LDAF1: variants seen among roughly 807,000 people sequenced by gnomAD.
LDAF1 encodes lipid droplet assembly factor 1.
In LDAF1, 7 loss-of-function variants were observed where a neutral mutation model predicts 13.5. The observed-to-expected ratio is 0.52, with a 90% CI of 0.29 to 0.97. LDAF1 has a LOEUF of 0.97. Ranked by LOEUF, LDAF1 falls within the 50% of genes least tolerant of loss-of-function variation. LDAF1 has a pLI of 0.07. For missense variants in LDAF1, 148 were observed against 193.2 expected (o/e 0.77, Z 1.39); for synonymous variants, 69 against 77.1 (o/e 0.89, Z 0.55).
At chr16:21,160,511 C>G (rs1274319958) in intron 1 of LDAF1, among the ~76,000 whole-genome samples, 4 of 151,938 alleles carry the variant, frequency 2.6e-5, no homozygotes, top group Non-Finnish European at 5.9e-5. Flanking sequence ...CCAACCTGTA[C>G]AGTAATAAAG....
Position 21,164,781 on chromosome 16 carries a change from A to C in LDAF1, c.96+3503A>C, listed in dbSNP as rs978611400. ...TGGAAAATCACAGTGCATGTTACTG[A>C]ATAATAACCTCTCCCACTTTCCATC... On this transcript the variant is annotated intron_variant, in intron 2 of 4. Coordinates refer to ENST00000233047, the MANE Select transcript of LDAF1 (RefSeq NM_001301771.2). Among the ~76,000 whole-genome samples, 4 of 152,156 alleles carry C rather than the reference A, an allele frequency of 2.6e-5. 1 individual carries two copies. Among genetic ancestry groups the C allele is most frequent in the Non-Finnish European group, 5.9e-5 (4 of 68,022 alleles).
intron 2 of LDAF1, among the ~76,000 whole-genome samples, chr16:21,168,990 CATAT>C (rs202053211): frequency 1.2e-4 from 16 of 134,936 alleles, no homozygotes; most frequent in South Asian, 6.7e-4. Flanking sequence ...TAATTATAAA[CATAT>C]ATAATTATTA....
rs1380038924 is a variant in LDAF1, at chr16:21,174,193, C to T, written c.404+45C>T. The T allele has an allele frequency of 3.2e-6, 5 of 1,562,884 alleles. No individual in the cohort carries two copies. The African/African-American group carries it at 7.0e-5, about 22-fold the overall frequency. ...ATAATTTATTTTTTTAATCTTTCTA[C>T]TTTTTTGTTTTTTTGAGACAAGGCC... On this transcript the variant is annotated intron_variant, in intron 4 of 4. Transcript: ENST00000233047.
intron 4 of LDAF1, among the ~76,000 whole-genome samples, chr16:21,175,533 A>G (rs2093131100): frequency 6.6e-6 from 1 of 152,232 alleles, no homozygotes; most frequent in South Asian, 2.1e-4. Flanking sequence ...AGTATTTAGT[A>G]AATAATATAG....
intron 3 of LDAF1, 70 bp from the exon 4 acceptor site, chr16:21,173,940 C>A: frequency 6.8e-7 from 1 of 1,469,132 alleles, no homozygotes; most frequent in South Asian, 1.3e-5. Context: ...TTTAAACAGA[C>A]TGACCCAGGG....
At chr16:21,174,215 G>A in intron 4 of LDAF1, 67 bp downstream of exon 4, 3 of 1,440,500 alleles carry the variant, frequency 2.1e-6, no homozygotes, top group Non-Finnish European at 9.3e-7. Context: ...TTTGAGACAA[G>A]GCCTCACTCT....
chr16:21,179,362 A>G, intron 4 of LDAF1, 113 bp from the exon 5 acceptor site: 1 of 1,592,040 alleles, frequency 6.3e-7, no homozygotes, highest in South Asian at 1.1e-5. Context: ...GTGTGGTTGC[A>G]AGAAGCAGCT....
At chr16:21,161,040 A>G in intron 1 of LDAF1, 45 bp from the exon 2 acceptor site, 2 of 1,426,098 alleles carry the variant, frequency 1.4e-6, no homozygotes, top group South Asian at 3.2e-5. Flanking sequence ...TCGTCGAACC[A>G]GATGGATGAA....
chr16:21,167,804 C>T (rs1480758657), intron 2 of LDAF1, among the ~76,000 whole-genome samples: 2 of 146,880 alleles, frequency 1.4e-5, no homozygotes, highest in African/African-American at 2.5e-5. Context: ...GTCAGGAATT[C>T]GAGACCAGCC....
At chr16:21,168,989 A>G (rs1467117138) in intron 2 of LDAF1, among the ~76,000 whole-genome samples, 13 of 132,952 alleles carry the variant, frequency 9.8e-5, no homozygotes, top group African/African-American at 3.8e-4. Context: ...ATAATTATAA[A>G]CATATATAAT....
At chr16:21,171,945 C>T (rs1451783793) in intron 3 of LDAF1, among the ~76,000 whole-genome samples, 1 of 151,438 alleles carries the variant, frequency 6.6e-6, no homozygotes, top group Non-Finnish European at 1.5e-5. Flanking sequence ...GCCATGTTGG[C>T]CAGGATGGTC....
At chr16:21,167,888 C>G (rs1403807151) in intron 2 of LDAF1, among the ~76,000 whole-genome samples, 9 of 149,738 alleles carry the variant, frequency 6.0e-5, no homozygotes, top group Non-Finnish European at 1.3e-4. Flanking sequence ...CGCCCGTAAT[C>G]CCAGCTACTC....
intron 4 of LDAF1, among the ~76,000 whole-genome samples, chr16:21,174,508 T>C (rs182447528): frequency 6.6e-6 from 1 of 152,296 alleles, no homozygotes; most frequent in East Asian, 1.9e-4. Flanking sequence ...AGTAATTTAA[T>C]CTTTGCCACT....
At position 21,170,460 on chromosome 16, in the gene LDAF1, A is replaced by G. The variant is rs752708072; in HGVS notation, c.120A>G (p.Pro40=). 1.5e-5 allele frequency: 25 copies of G among 1,613,924 alleles called. No individual in the cohort carries two copies. Among genetic ancestry groups the G allele is most frequent in the Non-Finnish European group, 2.0e-5 (24 of 1,180,030 alleles). Residue 40 remains proline, a synonymous_variant, in exon 3 of 5, where the codon CCA becomes CCG. Transcript: ENST00000233047. ...AGGTGGTGGCCTTTATGAAGTCTCC[A>G]GTGGGTCAGTACTTGGACAGCCATC... ...NSKVVAFMKS[P]VGQYLDSHPF... is the part of the protein sequence containing the mutation.
intron 1 of LDAF1, chr16:21,159,265 C>T: frequency 1.4e-6 from 2 of 1,407,214 alleles, no homozygotes; most frequent in East Asian, 2.3e-5. Flanking sequence ...GTACTCGACT[C>T]CCCTCTGAGT....
Position 21,161,290 on chromosome 16 carries a change from A to G in LDAF1, c.96+12A>G, listed in dbSNP as rs1334943317. The G allele has an allele frequency of 6.2e-7, 1 of 1,613,020 alleles. No individual in the cohort carries two copies. The highest frequency in any genetic ancestry group is 8.5e-7 in the Non-Finnish European group (1 of 1,179,794). On this transcript the variant is annotated intron_variant, in intron 2 of 4. Transcript: ENST00000233047. ...AGAATAACTCAAAGGTCAGTTTCCA[A>G]TCACTATGTATAATGGAAAATCCCA...
At chr16:21,172,534 A>T (rs1253117657) in intron 3 of LDAF1, among the ~76,000 whole-genome samples, 1 of 152,172 alleles carries the variant, frequency 6.6e-6, no homozygotes, top group Non-Finnish European at 1.5e-5. Context: ...GGCTGAGGTG[A>T]CGGGATCGCT....
chr16:21,170,613 G>A lies in LDAF1; in HGVS notation c.265+8G>A. 1.9e-6 allele frequency: 3 copies of A among 1,614,046 alleles called. No individual in the cohort carries two copies. The highest frequency in any genetic ancestry group is 1.7e-6 in the Non-Finnish European group (2 of 1,179,982). On this transcript the variant is annotated splice_region_variant and intron_variant, in intron 3 of 4. Transcript: ENST00000233047. ...GGGTCATAATATTGGAAGGTAGCCT[G>A]TTCCGTCATTCACCCCTTTAGAAAA...
chr16:21,175,029 C>A (rs1211953674), intron 4 of LDAF1, among the ~76,000 whole-genome samples: 1 of 152,190 alleles, frequency 6.6e-6, no homozygotes, highest in Non-Finnish European at 1.5e-5. Context: ...CAGCGATCTA[C>A]TTAAATGCTG....
Sources: allele counts gnomAD v4.1 joint callset (sites outside exome capture counted in the v4.1 genomes callset), GRCh38; gene constraint gnomAD v4.1.1; transcripts MANE v1.5; gene names NCBI Gene and HGNC (gene_info 2026-07-23, HGNC 2026-07-21).